The following SRP19 variants were observed in gnomAD, a reference collection of about 807,000 sequenced individuals.
SRP19 encodes the protein signal recognition particle 19 kDa protein.
In SRP19, 11 loss-of-function variants were observed where a neutral mutation model predicts 22.4. That is an observed-to-expected ratio of 0.49 (90% CI 0.31 to 0.81). The LOEUF is 0.81. Ranked by LOEUF, SRP19 falls within the 40% of genes least tolerant of loss-of-function variation. The pLI is 0.05. For missense variants in SRP19, 168 were observed against 175.9 expected (o/e 0.96, Z 0.25); for synonymous variants, 61 against 57.6 (o/e 1.06, Z -0.27).
Position 112,892,908 on chromosome 5 carries a change from C to G in SRP19, c.*1301C>G, listed in dbSNP as rs774201641. 2.5e-6 allele frequency: 4 copies of G among 1,608,592 alleles called. No individual in the cohort carries two copies. The South Asian group carries it at 4.4e-5, about 18-fold the overall frequency. On this transcript the variant is annotated 3_prime_UTR_variant, in exon 5 of 5. Coordinates refer to the SRP19 transcript ENST00000391338. ...GCACATCAAAGAGTCGGGAGAGGCA[C>G]AATTCACCAAGCAGAGGAAGAAATA...
chr5:112,891,736 C>T lies in SRP19; in HGVS notation c.*129C>T, dbSNP rs138700341. On this transcript the variant is annotated 3_prime_UTR_variant, in exon 5 of 5. Coordinates refer to the SRP19 transcript ENST00000391338. ...CAGGGCCGCCCTGAAGAAGGAGAAA[C>T]GAAAGAAACGTCGGCAGGAACTTGC... is the stretch of plus-strand genomic sequence containing the variant. The T allele has an allele frequency of 5.2e-4, 844 of 1,613,922 alleles. 5 individuals carry two copies. The Admixed American group carries it at 9.5e-3, about 18-fold the overall frequency.
chr5:112,892,285 A>T (rs750517346), exon 5 of SRP19: 4 of 1,614,126 alleles, frequency 2.5e-6, no homozygotes, highest in Non-Finnish European at 2.5e-6. Flanking sequence ...AACGTTTGGA[A>T]TGGAGCAGTG....
In SRP19 at chr5:112,891,456, A is replaced by C. The variant is rs1580736772; in HGVS notation, c.302-147A>C. 12 of 680,280 alleles carry C rather than the reference A, an allele frequency of 1.8e-5. No individual in the cohort carries two copies. The East Asian group carries it at 4.4e-4, about 25-fold the overall frequency. 42.1% of individuals were successfully genotyped at this position (680,280 alleles called of 1,614,324 possible). The stretch of plus-strand genomic sequence containing the variant: ...TATACTTAATTACAAAAAAAGTCTA[A>C]CTGCAATATAAAGGAGAAACAAAAT... On this transcript the variant is annotated intron_variant, in intron 4 of 4. Transcript: ENST00000391338.
chr5:112,884,056 CTG>C (rs539185955), intron 4 of SRP19, among the ~76,000 whole-genome samples: 37 of 152,236 alleles, frequency 2.4e-4, no homozygotes, highest in Non-Finnish European at 4.4e-4. Flanking sequence ...AACCTTTTAA[CTG>C]TTCTCCCAAC....
chr5:112,891,882 G>A (rs1279908129), exon 5 of SRP19: 1 of 1,401,248 alleles, frequency 7.1e-7, no homozygotes. Context: ...AGGAGTGGTT[G>A]CTGAGGGAGC....
In SRP19 at chr5:112,886,768, G is replaced by A. The variant is rs138872094; in HGVS notation, c.302-4835G>A. The stretch of plus-strand genomic sequence containing the variant: ...ATTCTCTAAAATCGCTGCCTACCAA[G>A]GAAAGTCATTTTTCCTAATGTTCTG... On this transcript the variant is annotated intron_variant, in intron 4 of 4. Coordinates refer to the SRP19 transcript ENST00000391338. Among the ~76,000 whole-genome samples, 5 of 152,296 alleles carry A rather than the reference G, an allele frequency of 3.3e-5. No homozygotes were observed. In the East Asian group the frequency reaches 9.6e-4, roughly 29 times the overall value.
At chr5:112,896,201 C>T (rs1175732166), downstream of SRP19, 1 of 152,626 alleles carries the variant, frequency 6.6e-6, no homozygotes, top group East Asian at 1.9e-4. Context: ...ATTTCCCTGT[C>T]TTTTTAGCCT....
At chr5:112,880,156 A>T (rs1292121554) in intron 4 of SRP19, among the ~76,000 whole-genome samples, 1 of 152,088 alleles carries the variant, frequency 6.6e-6, no homozygotes, top group Non-Finnish European at 1.5e-5. Flanking sequence ...CATGTCTATA[A>T]TCCCAGAGCT....
chr5:112,880,529 C>G (rs571300624), intron 4 of SRP19, among the ~76,000 whole-genome samples: 1 of 152,344 alleles, frequency 6.6e-6, no homozygotes, highest in African/African-American at 2.4e-5. Context: ...ATTACTGAAC[C>G]AAGTTCACAG....
At chr5:112,879,767 T>TGC (rs1768014315) in intron 4 of SRP19, among the ~76,000 whole-genome samples, 1 of 151,798 alleles carries the variant, frequency 6.6e-6, no homozygotes, top group Admixed American at 6.6e-5. Flanking sequence ...TAAGCCACCA[T>TGC]GCCCGGCCTC....
intron 4 of SRP19, among the ~76,000 whole-genome samples, chr5:112,875,754 T>C (rs952854449): frequency 6.6e-6 from 1 of 152,120 alleles, no homozygotes; most frequent in African/African-American, 2.4e-5. Flanking sequence ...GTAAAAAGTT[T>C]ACTACATCAA....
In SRP19 at chr5:112,868,329, C is replaced by T. The variant is rs1767674900; in HGVS notation, c.*792C>T. On this transcript the variant is annotated 3_prime_UTR_variant, in exon 5 of 5. Transcript: ENST00000505459. ...ATCCCAATTCCTGTTCTTCCTGAGG[C>T]CTGGTTTAGCTCTTCCTTGAATTCT... 19 of 986,018 alleles carry T rather than the reference C, an allele frequency of 1.9e-5. No individual in the cohort carries two copies. Among genetic ancestry groups the T allele is most frequent in the Non-Finnish European group, 2.3e-5 (19 of 830,384 alleles). The allele number at this position is 986,018 out of a possible 1,614,324, so 61.1% of individuals were successfully genotyped here.
chr5:112,892,097 A>G (rs1356137843), exon 5 of SRP19: 1 of 1,613,612 alleles, frequency 6.2e-7, no homozygotes, highest in East Asian at 2.2e-5. Flanking sequence ...AATGATTTAG[A>G]AAATAGTACC....
At chr5:112,875,841 T>C (rs1484946250) in intron 4 of SRP19, among the ~76,000 whole-genome samples, 1 of 151,706 alleles carries the variant, frequency 6.6e-6, no homozygotes, top group Non-Finnish European at 1.5e-5. Flanking sequence ...GGTCAGGAGA[T>C]CGAGACCATC....
At chr5:112,881,937 G>C (rs965953807) in intron 4 of SRP19, 7 of 104,254 alleles carry the variant, frequency 6.7e-5, no homozygotes, top group African/African-American at 4.0e-4. Flanking sequence ...GCTAATTTTT[G>C]TGTTTTTTTT....
downstream of SRP19, among the ~76,000 whole-genome samples, chr5:112,873,017 C>G (rs1164093908): frequency 1.3e-5 from 2 of 150,954 alleles, no homozygotes; most frequent in African/African-American, 2.4e-5. Context: ...GAAGTTGTAG[C>G]CATTCTAGTT....
chr5:112,889,450 GGAT>G (rs1267237183), intron 4 of SRP19, among the ~76,000 whole-genome samples: 2 of 150,644 alleles, frequency 1.3e-5, no homozygotes, highest in South Asian at 2.1e-4. Context: ...TAAGTAAATA[GGAT>G]GATAAAGAAG....
intron 4 of SRP19, among the ~76,000 whole-genome samples, chr5:112,866,134 GAGAC>G (rs1767597819): frequency 7.3e-6 from 1 of 136,180 alleles, no homozygotes; most frequent in African/African-American, 2.9e-5. Context: ...TTTTTTTTCT[GAGAC>G]AGAGTTTTGC....
Position 112,864,739 on chromosome 5 carries a change from T to G in SRP19, c.301+7T>G. ...CTTGTACAGTTCCCATCACGTAAGC[T>G]TGTTTAAATGAATCAGTGGGGCTCA... On this transcript the variant is annotated splice_region_variant and intron_variant, in intron 4 of 4. Coordinates refer to ENST00000505459, the MANE Select transcript of SRP19 (RefSeq NM_003135.3). The G allele has an allele frequency of 6.2e-7, 1 of 1,602,168 alleles. No individual in the cohort carries two copies. Among genetic ancestry groups the G allele is most frequent in the Non-Finnish European group, 8.5e-7 (1 of 1,172,086 alleles).
Sources: gnomAD v4.1 joint callset for allele counts (sites outside exome capture counted in the v4.1 genomes callset) on GRCh38, gnomAD v4.1.1 for gene constraint, MANE v1.5 for transcripts, NCBI Gene and HGNC (gene_info 2026-07-23, HGNC 2026-07-21) for gene names.